Variants in MTHFD1 observed in about 807,000 individuals in gnomAD.
The protein encoded by MTHFD1 is methylenetetrahydrofolate dehydrogenase, cyclohydrolase and formyltetrahydrofolate synthetase 1.
In MTHFD1, 44 loss-of-function variants were observed where a neutral mutation model predicts 110.3. The ratio of observed to expected loss-of-function variants is 0.40; its 90% CI spans 0.31 to 0.51. The LOEUF is 0.51. Among genes scored for constraint, MTHFD1 ranks in the 20% least tolerant of loss-of-function variants. MTHFD1 has a pLI of 0.60. For synonymous variants in MTHFD1, 402 were observed against 428.8 expected (o/e 0.94, Z 0.77); for missense variants, 909 against 1,173.1 (o/e 0.77, Z 3.29).
intron 1 of MTHFD1, among the ~76,000 whole-genome samples, chr14:64,390,977 C>T (rs940545442): frequency 6.6e-6 from 1 of 152,076 alleles, no homozygotes; most frequent in Non-Finnish European, 1.5e-5. Flanking sequence ...CAGCCCACTT[C>T]CCACATTCCA....
chr14:64,388,531 T>A, intron 1 of MTHFD1, 63 bp downstream of exon 1: 1 of 1,501,716 alleles, frequency 6.7e-7, no homozygotes, highest in Middle Eastern at 2.3e-4. Flanking sequence ...GGTGTGCAGG[T>A]CCCCCGGACC....
chr14:64,454,741 A>G lies in MTHFD1; in HGVS notation c.2584A>G (p.Ile862Val), dbSNP rs746400551. 45 of 1,613,808 alleles carry G rather than the reference A, an allele frequency of 2.8e-5. No individual in the cohort carries two copies. Among genetic ancestry groups the G allele is most frequent in the Non-Finnish European group, 3.2e-5 (38 of 1,179,838 alleles). ...YTKQGFGNLP[I>V]CMAKTHLSLS... is the part of the protein sequence containing the mutation. ...TCCCCAGGGCTTTGGGAATCTCCCC[A>G]TCTGCATGGCTAAAACACACTTGTC... is the stretch of plus-strand genomic sequence containing the variant. Residue 862 changes from isoleucine to valine, a missense_variant, in exon 26 of 28, where the codon ATC becomes GTC. Physicochemically the swap from Ile to Val is conservative, Grantham distance 29 (BLOSUM62 3). Around this residue, in one of 3 missense-constraint regions of MTHFD1, gnomAD observed 482 missense variants for 646.0 expected, o/e 0.75. Transcript: ENST00000652337.
chr14:64,448,741 G>A (rs1024516207), intron 23 of MTHFD1, among the ~76,000 whole-genome samples: 4 of 152,090 alleles, frequency 2.6e-5, no homozygotes, highest in Non-Finnish European at 5.9e-5. Flanking sequence ...TTTAGGTATT[G>A]CATTGGTGGT....
At chr14:64,419,750 C>T (rs1474190678) in intron 7 of MTHFD1, 64 bp from the exon 8 acceptor site, 16 of 1,066,206 alleles carry the variant, frequency 1.5e-5, no homozygotes, top group Non-Finnish European at 5.9e-6. Flanking sequence ...CTTTTCATTT[C>T]TGGGTTTTTT....
At chr14:64,453,933 C>T (rs926129922) in intron 25 of MTHFD1, 72 bp downstream of exon 25, 25 of 919,864 alleles carry the variant, frequency 2.7e-5, no homozygotes, top group Admixed American at 1.1e-4. Flanking sequence ...TCTGGGTCCT[C>T]CCAGCCCTGC....
chr14:64,434,400 A>G (rs894213835), intron 15 of MTHFD1, among the ~76,000 whole-genome samples: 1 of 152,152 alleles, frequency 6.6e-6, no homozygotes, highest in East Asian at 1.9e-4. Context: ...AAAAATTTAA[A>G]AACGAGCCAG....
intron 22 of MTHFD1, among the ~76,000 whole-genome samples, chr14:64,446,604 T>G (rs942022224): frequency 1.3e-5 from 2 of 151,534 alleles, no homozygotes; most frequent in African/African-American, 4.9e-5. Context: ...TGCAGTGGTG[T>G]GATCTCGGCT....
intron 24 of MTHFD1, among the ~76,000 whole-genome samples, chr14:64,452,603 C>G (rs1245783350): frequency 1.3e-5 from 2 of 152,226 alleles, no homozygotes; most frequent in Non-Finnish European, 2.9e-5. Flanking sequence ...CTTCAGGTGC[C>G]ACAGAAAGTG....
At chr14:64,455,646 C>T (rs914529650) in intron 26 of MTHFD1, among the ~76,000 whole-genome samples, 2 of 152,190 alleles carry the variant, frequency 1.3e-5, no homozygotes, top group African/African-American at 4.8e-5. Context: ...TAAATCAACA[C>T]ACATGGAAAA....
chr14:64,457,521 T>C (rs1273611278), intron 26 of MTHFD1, among the ~76,000 whole-genome samples: 1 of 151,628 alleles, frequency 6.6e-6, no homozygotes, highest in Non-Finnish European at 1.5e-5. Context: ...AGTGGCAAGA[T>C]CTCGGCTCAC....
chr14:64,440,103 G>A (rs1293355062), intron 17 of MTHFD1, 23 bp from the exon 18 acceptor site: 1 of 1,606,586 alleles, frequency 6.2e-7, no homozygotes, highest in South Asian at 1.1e-5. Context: ...GTTTTTGCTA[G>A]TACCTCTTTT....
chr14:64,448,989 C>A (rs1024129506), intron 23 of MTHFD1: 2 of 250,442 alleles, frequency 8.0e-6, no homozygotes, highest in Admixed American at 9.8e-5. Context: ...TTAGTAGAGA[C>A]GGGGTTTCAC....
intron 1 of MTHFD1, among the ~76,000 whole-genome samples, chr14:64,397,182 TATATATATAAA>T (rs2077862937): frequency 6.6e-5 from 1 of 15,202 alleles, no homozygotes; most frequent in African/African-American, 3.4e-4. Flanking sequence ...TATATATATA[TATATATATAAA>T]AAACAGTAAT....
intron 7 of MTHFD1, among the ~76,000 whole-genome samples, chr14:64,418,591 T>C (rs2078044792): frequency 6.6e-6 from 1 of 152,146 alleles, no homozygotes; most frequent in Non-Finnish European, 1.5e-5. Flanking sequence ...AGTTTCACTC[T>C]TGTTGCCCAG....
rs577282533 is a variant in MTHFD1, at chr14:64,457,832, C to T, written c.2719-382C>T. On this transcript the variant is annotated intron_variant, in intron 26 of 27. Coordinates refer to ENST00000652337, the MANE Select transcript of MTHFD1 (RefSeq NM_005956.4). The stretch of plus-strand genomic sequence containing the variant: ...GTAACAAGAGTACCCACTTTATTGA[C>T]AACTATAAAATGATGTTCTATCTTT... Among the ~76,000 whole-genome samples, 7 of 152,266 alleles carry T rather than the reference C, an allele frequency of 4.6e-5. No individual in the cohort carries two copies. The South Asian group carries it at 1.2e-3, about 27-fold the overall frequency.
intron 19 of MTHFD1, chr14:64,441,781 C>T (rs1320665979): frequency 1.6e-5 from 9 of 552,238 alleles, no homozygotes; most frequent in East Asian, 1.3e-4. Flanking sequence ...CCAGACTGGG[C>T]GACAGAGCGA....
intron 19 of MTHFD1, 95 bp from the exon 20 acceptor site, chr14:64,441,955 TCTTC>T (rs2078252825): frequency 1.2e-6 from 1 of 809,738 alleles, no homozygotes; most frequent in Non-Finnish European, 2.1e-6. Flanking sequence ...TGGGAAGTAT[TCTTC>T]CTTCCGATTC....
At position 64,440,130 on chromosome 14, in the gene MTHFD1, A is replaced by T. The variant is rs1440461767; in HGVS notation, c.1679A>T (p.Gln560Leu). 2 of 1,613,026 alleles carry T rather than the reference A, an allele frequency of 1.2e-6. No homozygotes were observed. The highest frequency in any genetic ancestry group is 1.3e-5 in the African/African-American group (1 of 74,874). The change falls in exon 18 of 28, where the codon CAG (glutamine) becomes CTG (leucine). Residue 560 changes from glutamine (Q) to leucine (L), a missense_variant. Around this residue, in one of 3 missense-constraint regions of MTHFD1, gnomAD observed 482 missense variants for 646.0 expected, o/e 0.75. Coordinates refer to ENST00000652337, the MANE Select transcript of MTHFD1 (RefSeq NM_005956.4). ...ACCTCTTTTCCCTGCCCACAGGCCC[A>T]GTTTGATATCTCTGTGGCCAGTGAA... is the stretch of plus-strand genomic sequence containing the variant. ...PTEKGHTRTA[Q>L]FDISVASEIM...
At chr14:64,400,545 G>A (rs1313134222) in intron 1 of MTHFD1, among the ~76,000 whole-genome samples, 1 of 152,086 alleles carries the variant, frequency 6.6e-6, no homozygotes, top group East Asian at 1.9e-4. Context: ...AATTAGCCAG[G>A]TGTGGTGGCA....
Sources: allele counts gnomAD v4.1 joint callset (sites outside exome capture counted in the v4.1 genomes callset), GRCh38; gene constraint gnomAD v4.1.1; regional missense constraint gnomAD v4.1.1; transcripts MANE v1.5; gene names NCBI Gene and HGNC (gene_info 2026-07-23, HGNC 2026-07-21).